Variants in SLC26A4 observed in about 807,000 individuals in gnomAD.
SLC26A4 encodes solute carrier family 26 member 4.
SLC26A4 carries 93 observed loss-of-function variants against 90.4 expected under a neutral mutation model. That is an observed-to-expected ratio of 1.03 (90% confidence interval 0.87 to 1.22). The LOEUF (loss-of-function observed/expected upper bound fraction) is 1.22. SLC26A4 is among the 50% of genes most tolerant of loss of function. The pLI is 0.00. For missense variants in SLC26A4, 1,127 were observed against 946.2 expected (o/e 1.19, Z -2.51); for synonymous variants, 393 against 354.6 (o/e 1.11, Z -1.22).
chr7:107,689,332 T>C, intron 9 of SLC26A4, 132 bp downstream of exon 9: 1 of 901,842 alleles, frequency 1.1e-6, no homozygotes, highest in Non-Finnish European at 1.8e-6. Context: ...TTGGTTTTCC[T>C]CTTGTGTTTG....
At chr7:107,696,442 T>C (rs1362078136) in intron 13 of SLC26A4, among the ~76,000 whole-genome samples, 1 of 152,218 alleles carries the variant, frequency 6.6e-6, no homozygotes, top group African/African-American at 2.4e-5. Flanking sequence ...CTTCTTTAAA[T>C]GAGATGAGGA....
chr7:107,711,540 G>A (rs1792186763), intron 19 of SLC26A4, among the ~76,000 whole-genome samples: 1 of 152,148 alleles, frequency 6.6e-6, no homozygotes, highest in African/African-American at 2.4e-5. Flanking sequence ...CGGAATGCTT[G>A]TATTACATAC....
intron 16 of SLC26A4, 123 bp downstream of exon 16, chr7:107,701,319 C>T (rs1562839213): frequency 2.8e-6 from 2 of 709,384 alleles, no homozygotes; most frequent in Admixed American, 2.1e-5. Context: ...ATGACATGTA[C>T]GTATCAAAGA....
chr7:107,686,475 T>C (rs1380619243), intron 8 of SLC26A4, among the ~76,000 whole-genome samples: 1 of 148,580 alleles, frequency 6.7e-6, no homozygotes, highest in Non-Finnish European at 1.5e-5. Context: ...TCCTTCTTTC[T>C]TTCTTTTTCT....
chr7:107,713,908 A>G (rs1171626407), intron 20 of SLC26A4, among the ~76,000 whole-genome samples: 3 of 108,360 alleles, frequency 2.8e-5, no homozygotes, highest in African/African-American at 1.3e-4. Context: ...TATTATTATT[A>G]GTATTATTAT....
chr7:107,698,959 A>T (rs1473509879), intron 14 of SLC26A4, among the ~76,000 whole-genome samples: 1 of 152,226 alleles, frequency 6.6e-6, no homozygotes, highest in Non-Finnish European at 1.5e-5. Flanking sequence ...AAAGTAAATC[A>T]AGAAAATACA....
intron 10 of SLC26A4, chr7:107,692,895 C>T (rs1791614787): frequency 6.6e-6 from 1 of 152,074 alleles, no homozygotes; most frequent in South Asian, 2.1e-4. Flanking sequence ...CCAAAATGAG[C>T]CTTGGCCTCC....
intron 10 of SLC26A4, among the ~76,000 whole-genome samples, chr7:107,690,883 G>A (rs1476194284): frequency 6.6e-6 from 1 of 151,940 alleles, no homozygotes; most frequent in Non-Finnish European, 1.5e-5. Flanking sequence ...CCCTCCTTCA[G>A]TGTTCAGAAA....
intron 4 of SLC26A4, among the ~76,000 whole-genome samples, chr7:107,673,921 G>A (rs997365621): frequency 1.3e-5 from 2 of 151,944 alleles, no homozygotes; most frequent in East Asian, 3.9e-4. Context: ...GGTAGAGATG[G>A]GGTTTTACTA....
At chr7:107,693,296 A>G in intron 10 of SLC26A4, 1 of 985,450 alleles carries the variant, frequency 1.0e-6, no homozygotes, top group Non-Finnish European at 1.2e-6. Flanking sequence ...CCAGCCAGAC[A>G]TACAAAGCAC....
rs376833463 is a variant in SLC26A4, at chr7:107,665,497, A to C, written c.304+2062A>C. ...CTGTGACTCCTGGGGGACAGGAACCATGCCTCATTCATGTTTGTTCAGCAG... is the reference window on the plus strand; with the variant it reads ...CTGTGACTCCTGGGGGACAGGAACCCTGCCTCATTCATGTTTGTTCAGCAG... On this transcript the variant is annotated intron_variant, in intron 3 of 20. Coordinates refer to ENST00000644269, the MANE Select transcript of SLC26A4 (RefSeq NM_000441.2). 3.8e-3 allele frequency among the ~76,000 whole-genome samples: 586 copies of C among 152,314 alleles called. 4 individuals are homozygous for C. The highest frequency in any genetic ancestry group is 0.013 in the African/African-American group (552 of 41,566).
chr7:107,703,561 T>C (rs1232189346), intron 17 of SLC26A4, among the ~76,000 whole-genome samples: 2 of 152,228 alleles, frequency 1.3e-5, no homozygotes, highest in South Asian at 2.1e-4. Context: ...TGAGATCCAT[T>C]GTAGACTATA....
chr7:107,669,801 C>T (rs1316886841), intron 3 of SLC26A4, among the ~76,000 whole-genome samples: 1 of 152,146 alleles, frequency 6.6e-6, no homozygotes, highest in East Asian at 1.9e-4. Context: ...TCCTCTGATC[C>T]TACCATACAG....
intron 19 of SLC26A4, among the ~76,000 whole-genome samples, chr7:107,710,442 A>C (rs1792151446): frequency 6.6e-6 from 1 of 152,236 alleles, no homozygotes; most frequent in African/African-American, 2.4e-5. Flanking sequence ...GAATAGTTCT[A>C]CAATGTGTAG....
At chr7:107,684,235 G>A (rs16872367) in intron 8 of SLC26A4, among the ~76,000 whole-genome samples, 4,414 of 152,248 alleles carry the variant, frequency 0.029, 174 homozygotes, top group African/African-American at 0.099. Flanking sequence ...GGTTACAAAG[G>A]AGGCCTAGAC....
At chr7:107,678,159 C>T (rs1791076970) in intron 6 of SLC26A4, among the ~76,000 whole-genome samples, 2 of 152,162 alleles carry the variant, frequency 1.3e-5, no homozygotes, top group Non-Finnish European at 2.9e-5. Context: ...GCACATCTTG[C>T]TTTTACTTAC....
chr7:107,691,740 CA>C, intron 10 of SLC26A4: 12 of 1,017,370 alleles, frequency 1.2e-5, no homozygotes, highest in Non-Finnish European at 1.3e-5. Context: ...TGCTTTTCAA[CA>C]AAAAATTTTA....
chr7:107,685,501 A>G (rs1490117501), intron 8 of SLC26A4, among the ~76,000 whole-genome samples: 4 of 152,070 alleles, frequency 2.6e-5, no homozygotes, highest in Non-Finnish European at 5.9e-5. Context: ...CCTTTATCCT[A>G]TTGAGGGTCC....
chr7:107,710,126 C>G lies in SLC26A4; in HGVS notation c.2162C>G (p.Thr721Arg). The G allele has an allele frequency of 6.2e-7, 1 of 1,607,328 alleles. No homozygotes were observed. The highest frequency in any genetic ancestry group is 1.7e-5 in the Admixed American group (1 of 60,004). The change falls in exon 19 of 21, where the codon ACG becomes AGG. Residue 721 changes from threonine (T) to arginine (R), a missense_variant. Transcript: ENST00000644269. ...ATTAGAAAGGACACATTCTTTTTGA[C>G]GGTCCATGATGCTATACTCTATCTA... The part of the protein sequence containing the change: ...DNIRKDTFFL[T>R]VHDAILYLQN...
Sources: gnomAD v4.1 joint callset for allele counts (sites outside exome capture counted in the v4.1 genomes callset) on GRCh38, gnomAD v4.1.1 for gene constraint, MANE v1.5 for transcripts, NCBI Gene and HGNC (gene_info 2026-07-23, HGNC 2026-07-21) for gene names.